Variants in STAT5A observed in about 807,000 individuals in gnomAD.
The protein encoded by STAT5A is signal transducer and activator of transcription 5A.
Under a neutral mutation model 100.2 loss-of-function variants are expected in STAT5A, and 26 were observed. The ratio of observed to expected loss-of-function variants is 0.26; its 90% CI spans 0.19 to 0.36. STAT5A has a LOEUF of 0.36. Among genes scored for constraint, STAT5A ranks in the 10% least tolerant of loss-of-function variants. STAT5A has a pLI of 1.00. For missense variants in STAT5A, 634 were observed against 1,027.5 expected (o/e 0.62, Z 5.24); for synonymous variants, 330 against 424.3 (o/e 0.78, Z 2.73).
Position 42,288,990 on chromosome 17 carries a change from A to G in STAT5A, c.-11+392A>G, listed in dbSNP as rs1223867878. Among the ~76,000 whole-genome samples, 1 of 152,200 alleles carries G rather than the reference A, an allele frequency of 6.6e-6. No homozygotes were observed. Among genetic ancestry groups the G allele is most frequent in the African/African-American group, 2.4e-5 (1 of 41,464 alleles). On this transcript the variant is annotated intron_variant, in intron 1 of 18. Transcript: ENST00000590949. The surrounding 1 kb of genome is among the most constrained non-coding windows in gnomAD (Gnocchi z 4.8). Reference sequence around the variant, plus strand: ...GTGGGAGCCGTCGTGGCGCTGGCCTAACTTCGGGTTGGAATATCTCCCCTT... The same window carrying G: ...GTGGGAGCCGTCGTGGCGCTGGCCTGACTTCGGGTTGGAATATCTCCCCTT...
In STAT5A at chr17:42,308,048, A is replaced by G. The variant is rs1312543694; in HGVS notation, c.1907-130A>G. 1.5e-6 allele frequency: 2 copies of G among 1,291,106 alleles called. No homozygotes were observed. The highest frequency in any genetic ancestry group is 2.4e-5 in the East Asian group (1 of 40,912). 80.0% of individuals were successfully genotyped at this position (1,291,106 alleles called of 1,614,324 possible). On this transcript the variant is annotated intron_variant, in intron 15 of 18. Transcript: ENST00000590949. This position sits in a 1 kb window ranked among gnomAD's most constrained non-coding sequence, Gnocchi z 4.6. The stretch of plus-strand genomic sequence containing the variant: ...ACATCCCGCATCGGCTTTCTTCCCT[A>G]CAGGCTGGGGCTGCAGCGCAAGCTA...
chr17:42,306,650 A>C (rs1350301458), intron 13 of STAT5A, among the ~76,000 whole-genome samples: 1 of 143,334 alleles, frequency 7.0e-6, no homozygotes. Context: ...TGAAGCCAAG[A>C]GCGAGATGAC....
rs531137218 is a variant in STAT5A at position 42,289,898 on chromosome 17, G to C, written c.161G>C (p.Arg54Thr). 1.3e-6 allele frequency: 2 copies of C among 1,588,782 alleles called. No homozygotes were observed. Among genetic ancestry groups the C allele is most frequent in the East Asian group, 2.3e-5 (1 of 43,960 alleles). ...ATTGACTTGGACAATCCCCAGGACAGAGCCCAAGCCACCCAGCTCCTGGAG... is the reference window on the plus strand; with the variant it reads ...ATTGACTTGGACAATCCCCAGGACACAGCCCAAGCCACCCAGCTCCTGGAG... The part of the protein sequence containing the change: ...DAIDLDNPQD[R>T]AQATQLLEGL... Residue 54 changes from arginine (R) to threonine (T), a missense_variant, in exon 3 of 19, where the codon AGA becomes ACA. Arg to Thr is a moderately conservative substitution (Grantham distance 71). Coordinates refer to ENST00000590949, the MANE Select transcript of STAT5A (RefSeq NM_001288718.2).
rs1419610965 is a variant in STAT5A, at chr17:42,304,821, C to T, written c.1380+169C>T. Among the ~76,000 whole-genome samples, 2 of 152,180 alleles carry T rather than the reference C, an allele frequency of 1.3e-5. No homozygotes were observed. Among genetic ancestry groups the T allele is most frequent in the African/African-American group, 4.8e-5 (2 of 41,430 alleles). On this transcript the variant is annotated intron_variant, in intron 11 of 18. Coordinates refer to ENST00000590949, the MANE Select transcript of STAT5A (RefSeq NM_001288718.2). The surrounding 1 kb of genome is among the most constrained non-coding windows in gnomAD (Gnocchi z 4.8). ...TAACCCAGACAATTTAGGCAATGGG[C>T]TAAGAAGAAGTCGGTTGTAGTTTTT... is the stretch of plus-strand genomic sequence containing the variant.
At chr17:42,296,361 G>C (rs759332149) in intron 5 of STAT5A, among the ~76,000 whole-genome samples, 1 of 151,996 alleles carries the variant, frequency 6.6e-6, no homozygotes, top group Non-Finnish European at 1.5e-5. Context: ...CTGTATCCTA[G>C]GTCTGTAGTT....
chr17:42,293,744 G>C (rs1238463778), intron 4 of STAT5A, among the ~76,000 whole-genome samples: 1 of 152,220 alleles, frequency 6.6e-6, no homozygotes, highest in Admixed American at 6.5e-5. Flanking sequence ...GCGTCCTGTG[G>C]ACAGGCATGT....
intron 2 of STAT5A, 36 bp downstream of exon 2, chr17:42,289,575 C>A: frequency 1.2e-6 from 2 of 1,603,850 alleles, no homozygotes; most frequent in South Asian, 1.1e-5. Context: ...CTCAGAGGGT[C>A]CCTACCATCC....
intron 3 of STAT5A, 34 bp downstream of exon 3, chr17:42,290,056 A>G (rs748935451): frequency 6.4e-7 from 1 of 1,569,452 alleles, no homozygotes. Context: ...TACGGGGAGG[A>G]AGCATCATCT....
chr17:42,297,907 G>C (rs2080934199), intron 5 of STAT5A, among the ~76,000 whole-genome samples: 1 of 151,796 alleles, frequency 6.6e-6, no homozygotes, highest in Admixed American at 6.6e-5. Flanking sequence ...GGCCCTCAGG[G>C]GCCAGCCAGG....
At position 42,304,781 on chromosome 17, in the gene STAT5A, G is replaced by A. The variant is rs2081012730; in HGVS notation, c.1380+129G>A. The A allele has an allele frequency of 4.2e-6, 6 of 1,432,610 alleles. No homozygotes were observed. The Admixed American group carries it at 1.3e-4, about 31-fold the overall frequency. The allele number at this position is 1,432,610 out of a possible 1,614,324, so 88.7% of individuals were successfully genotyped here. A position where few individuals can be genotyped will look rare whatever the true frequency, so the allele number is the denominator to read the frequency against. ...GACTCTGTGGGTCCCTGTTTGATAG[G>A]TTATAATCTGGGACTAACCCAGACA... On this transcript the variant is annotated intron_variant, in intron 11 of 18. Transcript: ENST00000590949. This position sits in a 1 kb window ranked among gnomAD's most constrained non-coding sequence, Gnocchi z 4.8.
intron 18 of STAT5A, among the ~76,000 whole-genome samples, chr17:42,310,296 T>C (rs551105683): frequency 1.3e-5 from 2 of 152,282 alleles, no homozygotes; most frequent in East Asian, 3.9e-4. Flanking sequence ...GATTATTCAG[T>C]GAGTTAGCAA....
intron 5 of STAT5A, among the ~76,000 whole-genome samples, chr17:42,298,387 T>G (rs1397094927): frequency 6.6e-6 from 1 of 151,984 alleles, no homozygotes; most frequent in Non-Finnish European, 1.5e-5. Context: ...TCTCGAACTC[T>G]TGACCTCAAG....
At chr17:42,299,519 G>C (rs1014445611) in intron 5 of STAT5A, among the ~76,000 whole-genome samples, 2 of 152,206 alleles carry the variant, frequency 1.3e-5, no homozygotes, top group African/African-American at 4.8e-5. Context: ...CCCAGCACCC[G>C]TGTGCCCCCA....
At position 42,308,078 on chromosome 17, in the gene STAT5A, A is replaced by G. The variant is rs1036021378; in HGVS notation, c.1907-100A>G. 215 of 1,513,330 alleles carry G rather than the reference A, an allele frequency of 1.4e-4. No homozygotes were observed. Among genetic ancestry groups the G allele is most frequent in the Non-Finnish European group, 1.8e-4 (201 of 1,115,694 alleles). 93.7% of individuals were successfully genotyped at this position (1,513,330 alleles called of 1,614,324 possible). The stretch of plus-strand genomic sequence containing the variant: ...CTGGGGCTGCAGCGCAAGCTACTAT[A>G]TAAAAGCCCAGATTTCTCTTGCAAG... On this transcript the variant is annotated intron_variant, in intron 15 of 18. Coordinates refer to ENST00000590949, the MANE Select transcript of STAT5A (RefSeq NM_001288718.2). The surrounding 1 kb of genome is among the most constrained non-coding windows in gnomAD (Gnocchi z 4.6).
Position 42,307,669 on chromosome 17 carries a change from CG to C in STAT5A, c.1853del (p.Arg618ProfsTer26). 1 of 1,614,094 alleles carries C rather than the reference CG, an allele frequency of 6.2e-7. No homozygotes were observed. The highest frequency in any genetic ancestry group is 8.5e-7 in the Non-Finnish European group (1 of 1,180,008). On this transcript the variant is annotated frameshift_variant, in exon 15 of 19. Transcript: ENST00000590949. LOFTEE classifies it high-confidence loss of function. ...CAAGCCCGACGGGACCTTCTTGTTG[CG>C]CTTTAGTGACTCAGAAATCGGGGGC... ...INKPDGTFLL[R>X]FSDSEIGGIT...
chr17:42,289,779 C>T, intron 2 of STAT5A, 87 bp from the exon 3 acceptor site: 1 of 1,444,080 alleles, frequency 6.9e-7, no homozygotes, highest in South Asian at 1.5e-5. Flanking sequence ...CGGTCATGAG[C>T]CTGGGGTTTC....
upstream of STAT5A, chr17:42,287,655 T>C (rs2080826205): frequency 6.6e-6 from 1 of 152,388 alleles, no homozygotes; most frequent in Non-Finnish European, 1.5e-5. Context: ...GCCTCATAAG[T>C]AACTAGGCTG....
intron 9 of STAT5A, among the ~76,000 whole-genome samples, chr17:42,303,673 G>A (rs529364609): frequency 3.3e-5 from 5 of 151,984 alleles, no homozygotes; most frequent in Admixed American, 3.3e-4. Context: ...TTGCACCATC[G>A]CACTCCAGCC....
chr17:42,307,530 C>G (rs1368948459), intron 14 of STAT5A, 34 bp downstream of exon 14: 3 of 1,613,920 alleles, frequency 1.9e-6, no homozygotes, highest in Non-Finnish European at 2.5e-6. Flanking sequence ...CAGGGGCCAG[C>G]TGTGGGCGCA....
Sources: gnomAD v4.1 joint callset for allele counts (sites outside exome capture counted in the v4.1 genomes callset) on GRCh38, gnomAD v4.1.1 for gene constraint, Gnocchi (gnomAD v3.1) non-coding constraint, MANE v1.5 for transcripts, NCBI Gene and HGNC (gene_info 2026-07-23, HGNC 2026-07-21) for gene names.